CMPK1: variants seen among roughly 807,000 people sequenced by gnomAD.
The protein encoded by CMPK1 is UMP-CMP kinase.
A neutral mutation model predicts 25.7 loss-of-function variants in CMPK1; 10 were observed. The ratio of observed to expected loss-of-function variants is 0.39; its 90% CI spans 0.24 to 0.66. The LOEUF is 0.66. CMPK1 is among the 30% of genes least tolerant of loss of function. The pLI, the probability that CMPK1 is intolerant of heterozygous loss-of-function variation, is 0.48. For missense variants in CMPK1, 199 were observed against 280.5 expected (o/e 0.71, Z 2.08); for synonymous variants, 106 against 101.5 (o/e 1.04, Z -0.27).
Position 47,333,797 on chromosome 1 carries a change from G to A in CMPK1, c.-149G>A, listed in dbSNP as rs1646371323. The A allele has an allele frequency of 1.5e-5, 4 of 266,072 alleles. No individual in the cohort carries two copies. The highest frequency in any genetic ancestry group is 2.3e-5 in the Non-Finnish European group (4 of 171,560). The allele number at this position is 266,072 out of a possible 1,614,324, so 16.5% of individuals were successfully genotyped here. ...CGCCGTGCGAAGCTCCTCCCCTTCC[G>A]ACAGGGCCGCGGACGCCCGGGCAGC... On this transcript the variant is annotated 5_prime_UTR_variant, in exon 1 of 6. Coordinates refer to ENST00000371873, the MANE Select transcript of CMPK1 (RefSeq NM_016308.3).
chr1:47,351,954 A>G (rs2149328542), intron 1 of CMPK1, among the ~76,000 whole-genome samples: 1 of 152,054 alleles, frequency 6.6e-6, no homozygotes, highest in Non-Finnish European at 1.5e-5. Flanking sequence ...TGACCAACGT[A>G]GTGAAACCCT....
chr1:47,371,725 C>T (rs1646679009), intron 2 of CMPK1, among the ~76,000 whole-genome samples: 1 of 152,202 alleles, frequency 6.6e-6, no homozygotes, highest in Non-Finnish European at 1.5e-5. Flanking sequence ...AAAGCTTTCA[C>T]TATGCTCATG....
At chr1:47,352,179 G>C (rs1436653678) in intron 1 of CMPK1, among the ~76,000 whole-genome samples, 1 of 152,008 alleles carries the variant, frequency 6.6e-6, no homozygotes, top group Non-Finnish European at 1.5e-5. Context: ...CTTTTAATTG[G>C]GTTATATATC....
chr1:47,357,482 C>CTTTTTTTTTT (rs5773945), intron 1 of CMPK1, among the ~76,000 whole-genome samples: 1 of 145,196 alleles, frequency 6.9e-6, no homozygotes, highest in Non-Finnish European at 1.5e-5. Flanking sequence ...TTAATGGATT[C>CTTTTTTTTTT]TTTTTTTTTT....
chr1:47,338,993 A>G (rs1280271486), intron 1 of CMPK1, among the ~76,000 whole-genome samples: 2 of 152,022 alleles, frequency 1.3e-5, no homozygotes, highest in Admixed American at 1.3e-4. Context: ...ACATAAACAA[A>G]TTATGACTAA....
In CMPK1 at chr1:47,334,042, A is replaced by G; in HGVS notation, c.97A>G (p.Met33Val). Residue 33 changes from methionine (M) to valine (V), a missense_variant, in exon 1 of 6, where the codon ATG (methionine) becomes GTG (valine). Coordinates refer to ENST00000371873, the MANE Select transcript of CMPK1 (RefSeq NM_016308.3). The part of the protein sequence containing the change: ...RPILLCSPRL[M>V]KPLVVFVLGG... The stretch of plus-strand genomic sequence containing the variant: ...GATTCTCCTCTGCTCTCCACGTCTC[A>G]TGAAGCCGCTGGTCGTGTTCGTCCT... 1 of 1,554,566 alleles carries G rather than the reference A, an allele frequency of 6.4e-7. No homozygotes were observed. The highest frequency in any genetic ancestry group is 8.7e-7 in the Non-Finnish European group (1 of 1,150,452).
chr1:47,336,763 G>C (rs1646402208), intron 1 of CMPK1, among the ~76,000 whole-genome samples: 1 of 152,114 alleles, frequency 6.6e-6, no homozygotes, highest in Admixed American at 6.6e-5. Flanking sequence ...CAGACTCAAG[G>C]GATCTTACTG....
chr1:47,347,073 G>A (rs1646490353), intron 1 of CMPK1, among the ~76,000 whole-genome samples: 1 of 152,098 alleles, frequency 6.6e-6, no homozygotes, highest in African/African-American at 2.4e-5. Context: ...ATGAGCCATT[G>A]TGCCCGGCCT....
intron 2 of CMPK1, among the ~76,000 whole-genome samples, chr1:47,372,438 G>A (rs1212169265): frequency 6.6e-6 from 1 of 152,288 alleles, no homozygotes; most frequent in East Asian, 1.9e-4. Flanking sequence ...GCTTTGTGTT[G>A]TTGGACTTGA....
At position 47,334,030 on chromosome 1, in the gene CMPK1, T is replaced by C. The variant is rs1340722668; in HGVS notation, c.85T>C (p.Ser29Pro). Residue 29 changes from serine (S) to proline (P), a missense_variant, in exon 1 of 6, where the codon TCT (serine) becomes CCT (proline). Transcript: ENST00000371873. ...LQTRRPILLC[S>P]PRLMKPLVVF... ...GACCCGCCGGCCGATTCTCCTCTGC[T>C]CTCCACGTCTCATGAAGCCGCTGGT... is the stretch of plus-strand genomic sequence containing the variant. 6 of 1,554,372 alleles carry C rather than the reference T, an allele frequency of 3.9e-6. No individual in the cohort carries two copies. Among genetic ancestry groups the C allele is most frequent in the South Asian group, 1.2e-5 (1 of 84,410 alleles).
chr1:47,354,581 T>A (rs1417036824), intron 1 of CMPK1, among the ~76,000 whole-genome samples: 1 of 151,822 alleles, frequency 6.6e-6, no homozygotes, highest in Non-Finnish European at 1.5e-5. Context: ...CACATAGTGC[T>A]TATTGTTTTG....
In CMPK1 at chr1:47,334,056, C is replaced by A; in HGVS notation, c.111C>A (p.Val37=). ...LCSPRLMKPL[V]VFVLGGPGAG... Reference sequence around the variant, plus strand: ...CTCCACGTCTCATGAAGCCGCTGGTCGTGTTCGTCCTCGGCGGCCCCGGCG... The same window carrying A: ...CTCCACGTCTCATGAAGCCGCTGGTAGTGTTCGTCCTCGGCGGCCCCGGCG... Residue 37 remains valine (V), a synonymous_variant, in exon 1 of 6, where the codon GTC becomes GTA. Coordinates refer to ENST00000371873, the MANE Select transcript of CMPK1 (RefSeq NM_016308.3). The A allele has an allele frequency of 6.5e-7, 1 of 1,549,500 alleles. No individual in the cohort carries two copies. Among genetic ancestry groups the A allele is most frequent in the Admixed American group, 1.9e-5 (1 of 52,302 alleles).
At chr1:47,369,623 G>A (rs1206600546) in intron 2 of CMPK1, among the ~76,000 whole-genome samples, 8 of 151,008 alleles carry the variant, frequency 5.3e-5, no homozygotes, top group South Asian at 2.1e-4. Context: ...GTGTAGTGGC[G>A]CGATCTCGGC....
chr1:47,361,409 A>C (rs1646600553), intron 1 of CMPK1, among the ~76,000 whole-genome samples: 2 of 152,112 alleles, frequency 1.3e-5, no homozygotes, highest in South Asian at 4.1e-4. Flanking sequence ...ACATAAATAA[A>C]ATAAGGTGGA....
intron 1 of CMPK1, among the ~76,000 whole-genome samples, chr1:47,338,087 C>A (rs1646412671): frequency 6.6e-6 from 1 of 151,962 alleles, no homozygotes; most frequent in African/African-American, 2.4e-5. Flanking sequence ...GGTAAATTCT[C>A]CAATTAATCT....
chr1:47,336,143 AAATAAAT>A (rs1485077149), intron 1 of CMPK1, among the ~76,000 whole-genome samples: 1 of 152,064 alleles, frequency 6.6e-6, no homozygotes, highest in Non-Finnish European at 1.5e-5. Flanking sequence ...TCTCAGAAAT[AAATAAAT>A]AAATAAATAA....
intron 5 of CMPK1, among the ~76,000 whole-genome samples, chr1:47,375,497 T>TAA (rs34374399): frequency 1.2e-4 from 18 of 149,662 alleles, no homozygotes; most frequent in Admixed American, 2.0e-4. Flanking sequence ...CTCTGTCTCT[T>TAA]AAAAAAAAAA....
chr1:47,338,900 A>G (rs1373563322), intron 1 of CMPK1, among the ~76,000 whole-genome samples: 3 of 152,142 alleles, frequency 2.0e-5, no homozygotes, highest in African/African-American at 7.2e-5. Context: ...CTAAATTTAT[A>G]TTTGAAAATA....
intron 1 of CMPK1, among the ~76,000 whole-genome samples, chr1:47,365,271 C>CTTTT (rs34324996): frequency 2.9e-5 from 4 of 137,232 alleles, no homozygotes; most frequent in Admixed American, 7.6e-5. Flanking sequence ...CCCTGAAGAT[C>CTTTT]TTTTTTTTTT....
Sources: gnomAD v4.1 joint callset for allele counts (sites outside exome capture counted in the v4.1 genomes callset) on GRCh38, gnomAD v4.1.1 for gene constraint, MANE v1.5 for transcripts, NCBI Gene and HGNC (gene_info 2026-07-23, HGNC 2026-07-21) for gene names.